CD46: variants seen among roughly 807,000 people sequenced by gnomAD.
The protein encoded by CD46 is CD46 molecule.
CD46 carries 30 observed loss-of-function variants against 53.3 expected under a neutral mutation model. The ratio of observed to expected loss-of-function variants is 0.56; its 90% confidence interval spans 0.42 to 0.76. CD46 has a LOEUF of 0.76. CD46 is among the 30% of genes least tolerant of loss of function. CD46 has a pLI of 0.00. For missense variants in CD46, 409 were observed against 463.0 expected (o/e 0.88, Z 1.07); for synonymous variants, 142 against 152.0 (o/e 0.93, Z 0.48).
intron 5 of CD46, among the ~76,000 whole-genome samples, chr1:207,766,426 AAGAG>A (rs1166292091): frequency 1.3e-5 from 2 of 152,156 alleles, no homozygotes; most frequent in Non-Finnish European, 1.5e-5. Flanking sequence ...TGACTAAAGA[AAGAG>A]AGAGGCTTAC....
chr1:207,772,039 T>A (rs772585411), intron 8 of CD46, among the ~76,000 whole-genome samples: 3 of 152,248 alleles, frequency 2.0e-5, no homozygotes, highest in Non-Finnish European at 4.4e-5. Context: ...GCATGGAATG[T>A]TCTTCCATTT....
intron 3 of CD46, 113 bp downstream of exon 3, chr1:207,757,755 A>C: frequency 2.8e-6 from 2 of 720,136 alleles, no homozygotes; most frequent in Admixed American, 2.0e-5. Flanking sequence ...GACAAGTTAT[A>C]CTTCTAGCCA....
chr1:207,770,431 T>C, intron 8 of CD46, 69 bp downstream of exon 8: 1 of 1,152,512 alleles, frequency 8.7e-7, no homozygotes. Flanking sequence ...TACTTTAAGC[T>C]CTAGGGTATG....
At chr1:207,784,502 A>G (rs1042221959) in intron 9 of CD46, among the ~76,000 whole-genome samples, 56 of 152,342 alleles carry the variant, frequency 3.7e-4, no homozygotes, top group African/African-American at 1.3e-3. Flanking sequence ...TAAGAGTTTC[A>G]CAAGTGGAAC....
chr1:207,783,221 G>A (rs1658948642), intron 8 of CD46, 71 bp from the exon 9 acceptor site: 1 of 846,530 alleles, frequency 1.2e-6, no homozygotes, highest in Non-Finnish European at 1.9e-6. Flanking sequence ...TGAGTTTAAA[G>A]GATTTTAAGC....
intron 5 of CD46, among the ~76,000 whole-genome samples, chr1:207,766,643 C>T (rs550019192): frequency 6.6e-6 from 1 of 152,206 alleles, no homozygotes; most frequent in Non-Finnish European, 1.5e-5. Flanking sequence ...ACCACCACCA[C>T]CCCCCTGCAG....
chr1:207,781,193 G>A (rs1201695571), intron 8 of CD46, among the ~76,000 whole-genome samples: 1 of 150,200 alleles, frequency 6.7e-6, no homozygotes, highest in Non-Finnish European at 1.5e-5. Context: ...AATTAGAAAT[G>A]TGTTGAGAAT....
At chr1:207,792,233 C>T (rs1659861183) in intron 12 of CD46, among the ~76,000 whole-genome samples, 1 of 152,112 alleles carries the variant, frequency 6.6e-6, no homozygotes, top group East Asian at 1.9e-4. Flanking sequence ...GCCAAGATCA[C>T]ACCACACTGC....
intron 8 of CD46, among the ~76,000 whole-genome samples, chr1:207,781,133 T>C (rs1290779434): frequency 4.7e-5 from 7 of 149,744 alleles, no homozygotes; most frequent in Non-Finnish European, 8.9e-5. Flanking sequence ...CCATAGACCG[T>C]CCTAATAGAT....
At chr1:207,771,208 G>A (rs957377889) in intron 8 of CD46, among the ~76,000 whole-genome samples, 18 of 152,310 alleles carry the variant, frequency 1.2e-4, no homozygotes, top group South Asian at 6.2e-4. Context: ...CTTTTGAGAA[G>A]TGTCTGTTCA....
intron 8 of CD46, among the ~76,000 whole-genome samples, chr1:207,771,801 C>T (rs1237316440): frequency 6.6e-6 from 1 of 152,022 alleles, no homozygotes; most frequent in East Asian, 1.9e-4. Flanking sequence ...TCACTGTAGC[C>T]TTGTAGTATA....
chr1:207,770,015 C>T (rs561474803), intron 7 of CD46: 4 of 307,580 alleles, frequency 1.3e-5, no homozygotes, highest in African/African-American at 2.2e-5. Context: ...ATTCACCTGC[C>T]TCGGCCTCCC....
At position 207,761,125 on chromosome 1, in the gene CD46, C is replaced by G. The variant is rs950156529; in HGVS notation, c.476-124C>G. 12 of 632,578 alleles carry G rather than the reference C, an allele frequency of 1.9e-5. No individual in the cohort carries two copies. The African/African-American group carries it at 2.2e-4, about 12-fold the overall frequency. The allele number at this position is 632,578 out of a possible 1,614,324, so 39.2% of individuals were successfully genotyped here. On this transcript the variant is annotated intron_variant, in intron 4 of 12. Transcript: ENST00000367042. ...TGCTCATAGAAACCTTCTTTTAAAT[C>G]CATATTGAATTCACAAACAGCTTGT...
chr1:207,793,561 A>G lies in CD46; in HGVS notation c.*84A>G, dbSNP rs376125922. ...CTGAATATGCCACTTACCAGACTAA[A>G]TCAACCACTCCAGCAGAGCAGAGAG... On this transcript the variant is annotated 3_prime_UTR_variant, in exon 13 of 13. Coordinates refer to ENST00000367042, the MANE Select transcript of CD46 (RefSeq NM_172351.3). The G allele has an allele frequency of 1.2e-5, 19 of 1,614,086 alleles. No homozygotes were observed. The highest frequency in any genetic ancestry group is 1.5e-5 in the Non-Finnish European group (18 of 1,179,938).
intron 8 of CD46, among the ~76,000 whole-genome samples, chr1:207,776,633 GT>G (rs1658144704): frequency 6.6e-6 from 1 of 152,086 alleles, no homozygotes; most frequent in South Asian, 2.1e-4. Context: ...AGTTGTTTTT[GT>G]TTTTGCTTTT....
At chr1:207,756,121 G>A (rs1229436135) in intron 1 of CD46, among the ~76,000 whole-genome samples, 1 of 152,200 alleles carries the variant, frequency 6.6e-6, no homozygotes, top group Non-Finnish European at 1.5e-5. Context: ...AGGAAGATGA[G>A]TTGAGCAGGA....
Position 207,795,207 on chromosome 1 carries a change from C to A in CD46, c.*1730C>A, listed in dbSNP as rs1660150496. 6.6e-6 allele frequency: 1 copy of A among 152,014 alleles called. No individual in the cohort carries two copies. Among genetic ancestry groups the A allele is most frequent in the South Asian group, 2.1e-4 (1 of 4,830 alleles). 9.4% of individuals were successfully genotyped at this position (152,014 alleles called of 1,614,324 possible). ...TTTAATGTATAAAATAAATATTATA[C>A]AATATACTTGTATAGCAGTTTCTGC... On this transcript the variant is annotated 3_prime_UTR_variant, in exon 13 of 13. Coordinates refer to ENST00000367042, the MANE Select transcript of CD46 (RefSeq NM_172351.3).
intron 8 of CD46, among the ~76,000 whole-genome samples, chr1:207,770,630 C>A (rs549116546): frequency 3.1e-4 from 47 of 152,282 alleles, no homozygotes; most frequent in African/African-American, 8.4e-4. Context: ...TCAACTCCTA[C>A]CTATGAGTGA....
intron 8 of CD46, among the ~76,000 whole-genome samples, chr1:207,776,957 C>T (rs1414090352): frequency 6.6e-6 from 1 of 152,134 alleles, no homozygotes; most frequent in Non-Finnish European, 1.5e-5. Flanking sequence ...CTTTAATTAT[C>T]AGTGAATCTG....
Sources: gnomAD v4.1 joint callset for allele counts (sites outside exome capture counted in the v4.1 genomes callset) on GRCh38, gnomAD v4.1.1 for gene constraint, MANE v1.5 for transcripts, NCBI Gene and HGNC (gene_info 2026-07-23, HGNC 2026-07-21) for gene names.